MVB12B: variants seen among roughly 807,000 people sequenced by gnomAD.
MVB12B encodes ESCRT-I complex subunit MVB12B.
A neutral mutation model predicts 41.6 loss-of-function variants in MVB12B; 16 were observed. The ratio of observed to expected loss-of-function variants is 0.38; its 90% CI spans 0.26 to 0.58. MVB12B has a LOEUF of 0.58. Ranked by LOEUF, MVB12B falls within the 20% of genes least tolerant of loss-of-function variation. MVB12B has a pLI of 0.62. For missense variants in MVB12B, 274 were observed against 380.2 expected (o/e 0.72, Z 2.32); for synonymous variants, 133 against 139.7 (o/e 0.95, Z 0.34).
At chr9:126,403,444 T>G (rs911156626) in intron 6 of MVB12B, among the ~76,000 whole-genome samples, 2 of 152,210 alleles carry the variant, frequency 1.3e-5, no homozygotes, top group African/African-American at 2.4e-5. Context: ...TGCGTCGTTT[T>G]CCTTCTTCTC....
chr9:126,404,325 C>T (rs1831355693), intron 6 of MVB12B, among the ~76,000 whole-genome samples: 1 of 152,188 alleles, frequency 6.6e-6, no homozygotes, highest in South Asian at 2.1e-4. Flanking sequence ...GTTGAGGAAA[C>T]TGAGGGTGAG....
chr9:126,469,167 G>T (rs1588196347), intron 7 of MVB12B, among the ~76,000 whole-genome samples: 1 of 152,180 alleles, frequency 6.6e-6, no homozygotes, highest in South Asian at 2.1e-4. Context: ...TAGAGCAAAA[G>T]TCCATGTCTA....
At chr9:126,482,796 G>C (rs1201735238) in intron 8 of MVB12B, among the ~76,000 whole-genome samples, 1 of 152,230 alleles carries the variant, frequency 6.6e-6, no homozygotes, top group Non-Finnish European at 1.5e-5. Flanking sequence ...GCTGCTGCCG[G>C]GCGCTGCCAC....
At chr9:126,419,188 A>C (rs1831921734) in intron 6 of MVB12B, among the ~76,000 whole-genome samples, 1 of 152,100 alleles carries the variant, frequency 6.6e-6, no homozygotes, top group Admixed American at 6.5e-5. Context: ...CTGCATCCTT[A>C]GTTAGGTTGC....
intron 1 of MVB12B, among the ~76,000 whole-genome samples, chr9:126,336,084 G>A (rs910549357): frequency 6.6e-6 from 1 of 152,234 alleles, no homozygotes; most frequent in Non-Finnish European, 1.5e-5. Flanking sequence ...TGAAGGCAGC[G>A]CCCCCTGCCC....
intron 6 of MVB12B, among the ~76,000 whole-genome samples, chr9:126,418,087 A>G (rs1831877732): frequency 6.6e-6 from 1 of 151,978 alleles, no homozygotes; most frequent in Admixed American, 6.6e-5. Flanking sequence ...GTGTAAGTGT[A>G]CAGAGTGAGA....
rs533540987 is a variant in MVB12B at position 126,507,023 on chromosome 9, G to T, written c.*3760G>T. Reference sequence around the variant, plus strand: ...TCTTAATATAATTTGTTAAATAAACGTTTGTTTTAACCTCTTTCCCCAGTT... The same window carrying T: ...TCTTAATATAATTTGTTAAATAAACTTTTGTTTTAACCTCTTTCCCCAGTT... On this transcript the variant is annotated 3_prime_UTR_variant, in exon 10 of 10. Transcript: ENST00000361171. The T allele has an allele frequency of 6.5e-6, 1 of 152,678 alleles. No individual in the cohort carries two copies. Among genetic ancestry groups the T allele is most frequent in the African/African-American group, 2.4e-5 (1 of 41,462 alleles). The allele number at this position is 152,678 out of a possible 1,614,324, so 9.5% of individuals were successfully genotyped here.
chr9:126,348,772 C>CA (rs1317717616), intron 2 of MVB12B, among the ~76,000 whole-genome samples: 3 of 152,118 alleles, frequency 2.0e-5, no homozygotes, highest in Non-Finnish European at 4.4e-5. Context: ...ATGGTAGACT[C>CA]ACATGCAGTT....
At chr9:126,350,927 G>A (rs774348503) in intron 2 of MVB12B, among the ~76,000 whole-genome samples, 2 of 152,164 alleles carry the variant, frequency 1.3e-5, no homozygotes. Flanking sequence ...CAAAAAACTT[G>A]TTGGGGTTTT....
At chr9:126,476,077 C>CACATGGGCCGAGGGGTG (rs1554784729) in intron 7 of MVB12B, among the ~76,000 whole-genome samples, 5 of 152,136 alleles carry the variant, frequency 3.3e-5, no homozygotes, top group Non-Finnish European at 5.9e-5. Context: ...AGGGGTGGAG[C>CACATGGGCCGAGGGGTG]GAGGCCGTCA....
intron 7 of MVB12B, among the ~76,000 whole-genome samples, chr9:126,428,131 C>T (rs1832232670): frequency 6.6e-6 from 1 of 152,054 alleles, no homozygotes; most frequent in African/African-American, 2.4e-5. Flanking sequence ...GCCCCTTGTA[C>T]AGAGAGAAGG....
Position 126,332,710 on chromosome 9 carries a change from A to ACCCCTTTATGTGCCCTCT in MVB12B, c.81+5718_81+5735dup, listed in dbSNP as rs1439570261. Among the ~76,000 whole-genome samples the ACCCCTTTATGTGCCCTCT allele has an allele frequency of 4.9e-4, 40 of 81,144 alleles. No homozygotes were observed. The East Asian group carries it at 0.01, about 21-fold the overall frequency. The allele number at this position is 81,144 out of a possible 152,430, so 53.2% of individuals were successfully genotyped here. ...TGCCCCTGCCCCTTTATGTGGCCCC[A>ACCCCTTTATGTGCCCTCT]CCCCTTTATGTGCCCTCTCCCCTTT... On this transcript the variant is annotated intron_variant, in intron 1 of 9. Transcript: ENST00000361171.
chr9:126,435,889 C>T (rs1832465086), intron 7 of MVB12B, among the ~76,000 whole-genome samples: 2 of 152,214 alleles, frequency 1.3e-5, no homozygotes. Flanking sequence ...AAGGGTACGG[C>T]TGTAGATGCG....
intron 2 of MVB12B, among the ~76,000 whole-genome samples, chr9:126,370,083 G>C (rs553785222): frequency 1.3e-5 from 2 of 152,120 alleles, no homozygotes; most frequent in Non-Finnish European, 2.9e-5. Flanking sequence ...TCATTCTTCT[G>C]TTGGTGAGGA....
intron 2 of MVB12B, among the ~76,000 whole-genome samples, chr9:126,346,664 G>T (rs981363984): frequency 7.9e-5 from 12 of 152,190 alleles, no homozygotes; most frequent in African/African-American, 2.7e-4. Context: ...GACTAGAAGA[G>T]AGGGTGTGCC....
intron 5 of MVB12B, among the ~76,000 whole-genome samples, chr9:126,394,858 G>A (rs1266040271): frequency 1.3e-5 from 2 of 152,212 alleles, no homozygotes; most frequent in African/African-American, 4.8e-5. Context: ...GGGCAACTGG[G>A]AAGTTGGAAA....
chr9:126,335,248 A>G (rs939557798), intron 1 of MVB12B: 1 of 1,209,824 alleles, frequency 8.3e-7, no homozygotes, highest in African/African-American at 1.6e-5. Context: ...TCACCAGGTA[A>G]TCTGTCCAAA....
chr9:126,360,360 A>G (rs1355284550), intron 2 of MVB12B, among the ~76,000 whole-genome samples: 2 of 152,310 alleles, frequency 1.3e-5, no homozygotes, highest in Admixed American at 6.5e-5. Flanking sequence ...TGTGAGCTAT[A>G]TGATCTCCAT....
At chr9:126,499,069 G>A (rs1478687912) in intron 9 of MVB12B, among the ~76,000 whole-genome samples, 1 of 152,210 alleles carries the variant, frequency 6.6e-6, no homozygotes, top group Non-Finnish European at 1.5e-5. Context: ...GGGTAGACCA[G>A]TAGGTTCTAT....
Sources: allele counts gnomAD v4.1 joint callset (sites outside exome capture counted in the v4.1 genomes callset), GRCh38; gene constraint gnomAD v4.1.1; transcripts MANE v1.5; gene names NCBI Gene and HGNC (gene_info 2026-07-23, HGNC 2026-07-21).